NBAS: variants seen among roughly 807,000 people sequenced by gnomAD.
NBAS encodes NAG/BC035112 fusion.
Under a neutral mutation model 302.5 loss-of-function variants are expected in NBAS, and 219 were observed. The observed-to-expected ratio is 0.72, with a 90% CI of 0.65 to 0.81. NBAS has a LOEUF of 0.81. Ranked by LOEUF, NBAS falls within the 30% of genes least tolerant of loss-of-function variation. The pLI, the probability that NBAS is intolerant of heterozygous loss-of-function variation, is 0.00. For missense variants in NBAS, 2,932 were observed against 2,841.6 expected (o/e 1.03, Z -0.72); for synonymous variants, 1,118 against 1,021.6 (o/e 1.09, Z -1.80).
At chr2:15,305,250 T>C (rs1348730809) in intron 40 of NBAS, among the ~76,000 whole-genome samples, 1 of 151,938 alleles carries the variant, frequency 6.6e-6, no homozygotes, top group African/African-American at 2.4e-5. Context: ...GCTGTTCTCA[T>C]GAGATCTGAT....
chr2:15,101,790 T>C, the NBAS span, among the ~76,000 whole-genome samples: 3 of 152,330 alleles, frequency 2.0e-5, no homozygotes, highest in South Asian at 4.1e-4. Context: ...TTTTAGAAAC[T>C]CATTTTCCTG....
rs55808465 is a variant in NBAS, at chr2:15,463,788, C to CAAAAAAA, written c.2098-2004_2098-1998dup. On this transcript the variant is annotated intron_variant, in intron 19 of 51. Coordinates refer to ENST00000281513, the MANE Select transcript of NBAS (RefSeq NM_015909.4). Reference sequence around the variant, plus strand: ...AATCCTCATTCAAATGAACCAAATGCAAAAAAAAAAAAAAAAAGCACCAGG... The same window carrying CAAAAAAA: ...AATCCTCATTCAAATGAACCAAATGCAAAAAAAAAAAAAAAAAAAAAAAAGCACCAGG... 1.1e-3 allele frequency among the ~76,000 whole-genome samples: 102 copies of CAAAAAAA among 91,544 alleles called. 3 individuals carry two copies. Among genetic ancestry groups the CAAAAAAA allele is most frequent in the East Asian group, 2.5e-3 (6 of 2,362 alleles). The allele number at this position is 91,544 out of a possible 152,430, so 60.1% of individuals were successfully genotyped here.
chr2:14,980,631 T>C, the NBAS span, among the ~76,000 whole-genome samples: 1 of 152,002 alleles, frequency 6.6e-6, no homozygotes, highest in Non-Finnish European at 1.5e-5. Flanking sequence ...CCTTTAATCA[T>C]TGAATTCTTA....
In NBAS at chr2:15,329,126, A is replaced by T. The variant is rs550750661; in HGVS notation, c.4348-814T>A. Among the ~76,000 whole-genome samples the T allele has an allele frequency of 2.0e-4, 30 of 152,330 alleles. No homozygotes were observed. In the South Asian group the frequency reaches 6.2e-3, roughly 32 times the overall value. ...GTTTTGCTCTCTCCAAATAGATTGT[A>T]AAGCTCCTTACTGGAAGAGCCAAGT... On this transcript the variant is annotated intron_variant, in intron 36 of 51. Coordinates refer to ENST00000281513, the MANE Select transcript of NBAS (RefSeq NM_015909.4).
At chr2:15,448,972 A>C (rs1175864899) in intron 21 of NBAS, among the ~76,000 whole-genome samples, 1 of 152,220 alleles carries the variant, frequency 6.6e-6, no homozygotes, top group East Asian at 1.9e-4. Context: ...CTATGTAAGA[A>C]GCACACATTC....
the NBAS span, among the ~76,000 whole-genome samples, chr2:14,848,437 A>G: frequency 2.1e-5 from 3 of 142,640 alleles, no homozygotes; most frequent in Non-Finnish European, 3.0e-5. Context: ...CGCCCACGGA[A>G]TCTCGCTGAT....
chr2:15,177,840 C>A, intron 51 of NBAS: 1 of 206,640 alleles, frequency 4.8e-6, no homozygotes, highest in Non-Finnish European at 1.0e-5. Flanking sequence ...GTCAAGGTCC[C>A]AAAGAGGCCT....
Position 15,374,649 on chromosome 2 carries a change from C to T in NBAS, c.3662G>A (p.Gly1221Glu). The change falls in exon 31 of 52, where the codon GGA becomes GAA. Residue 1221 changes from glycine to glutamate, a missense_variant. Transcript: ENST00000281513. ...QEELDLIQAVGCLEEFGVKIL... is the reference protein window; with the variant it reads ...QEELDLIQAVECLEEFGVKIL... Reference sequence around the variant, plus strand: ...CTTTACCCCAAATTCTTCAAGACATCCAACGGCTTGGATAAGATCTAGCTC... The same window carrying T: ...CTTTACCCCAAATTCTTCAAGACATTCAACGGCTTGGATAAGATCTAGCTC... The T allele has an allele frequency of 6.2e-7, 1 of 1,613,976 alleles. No individual in the cohort carries two copies. Among genetic ancestry groups the T allele is most frequent in the Non-Finnish European group, 8.5e-7 (1 of 1,179,886 alleles).
At chr2:14,962,136 G>C in the NBAS span, among the ~76,000 whole-genome samples, 3 of 152,136 alleles carry the variant, frequency 2.0e-5, no homozygotes, top group African/African-American at 7.2e-5. Context: ...TTATGGGTGA[G>C]TTTGATACTG....
chr2:15,034,062 AG>A, the NBAS span, among the ~76,000 whole-genome samples: 1 of 91,222 alleles, frequency 1.1e-5, no homozygotes, highest in Admixed American at 1.4e-4. Context: ...GAGGAGGAGG[AG>A]GGGAAGGAGA....
the NBAS span, among the ~76,000 whole-genome samples, chr2:14,859,126 AAAG>A: frequency 2.3e-3 from 357 of 152,178 alleles, 4 homozygotes; most frequent in Non-Finnish European, 1.2e-3. Flanking sequence ...TTAATTTAAC[AAAG>A]AAGTGAAAGA....
chr2:15,321,386 T>C (rs1671797430), intron 38 of NBAS, among the ~76,000 whole-genome samples: 1 of 152,050 alleles, frequency 6.6e-6, no homozygotes, highest in South Asian at 2.1e-4. Flanking sequence ...AAAGCCAAAA[T>C]AGACAAAGGG....
At chr2:15,206,052 G>C (rs1318392838) in intron 48 of NBAS, among the ~76,000 whole-genome samples, 1 of 152,136 alleles carries the variant, frequency 6.6e-6, no homozygotes, top group Non-Finnish European at 1.5e-5. Flanking sequence ...TTTGGGTTCA[G>C]AAGAAAACAG....
chr2:15,485,186 C>CAT (rs1172652884), intron 12 of NBAS, among the ~76,000 whole-genome samples: 2 of 151,874 alleles, frequency 1.3e-5, no homozygotes, highest in Non-Finnish European at 2.9e-5. Context: ...AAGAGTTAAG[C>CAT]ATATCTGAGA....
chr2:15,160,916 GA>G, the NBAS span, among the ~76,000 whole-genome samples: 15 of 152,326 alleles, frequency 9.8e-5, no homozygotes, highest in African/African-American at 2.6e-4. Context: ...AAAGGGTTCA[GA>G]GAACTCTTTT....
chr2:14,822,405 G>C, the NBAS span, among the ~76,000 whole-genome samples: 3 of 152,178 alleles, frequency 2.0e-5, no homozygotes, highest in Non-Finnish European at 4.4e-5. Flanking sequence ...GAAGATCACT[G>C]ATATGAGAGA....
At chr2:14,800,206 C>A in the NBAS span, among the ~76,000 whole-genome samples, 1 of 152,080 alleles carries the variant, frequency 6.6e-6, no homozygotes, top group African/African-American at 2.4e-5. Context: ...TGTCCCCCAC[C>A]CAAATCTCAT....
chr2:14,886,152 C>A, the NBAS span, among the ~76,000 whole-genome samples: 1 of 152,014 alleles, frequency 6.6e-6, no homozygotes, highest in Non-Finnish European at 1.5e-5. Context: ...AGCTCAGTCT[C>A]CATAGGCAGG....
the NBAS span, among the ~76,000 whole-genome samples, chr2:14,902,355 CT>C: frequency 5.9e-5 from 9 of 152,314 alleles, no homozygotes; most frequent in Middle Eastern, 3.4e-3. Context: ...TGTTCTCCAA[CT>C]CCTGGCCTCA....
Sources: gnomAD v4.1 joint callset for allele counts (sites outside exome capture counted in the v4.1 genomes callset) on GRCh38, gnomAD v4.1.1 for gene constraint, MANE v1.5 for transcripts, NCBI Gene and HGNC (gene_info 2026-07-23, HGNC 2026-07-21) for gene names.